Variants in ZPBP observed in about 807,000 individuals in gnomAD.
ZPBP encodes zona pellucida-binding protein 1.
Under a neutral mutation model 44.8 loss-of-function variants are expected in ZPBP, and 26 were observed. The observed-to-expected ratio is 0.58, with a 90% CI of 0.43 to 0.81. The LOEUF (loss-of-function observed/expected upper bound fraction) is 0.81, where lower values mean the gene tolerates loss of function less well. Among genes scored for constraint, ZPBP ranks in the 30% least tolerant of loss-of-function variants. ZPBP has a pLI of 0.00. For synonymous variants in ZPBP, 174 were observed against 153.2 expected, an observed-to-expected ratio of 1.14 and a Z score of -1.00; for missense variants, 409 against 434.0, an observed-to-expected ratio of 0.94 and a Z score of 0.51.
In ZPBP at chr7:50,052,320, T is replaced by C. The variant is rs939664800; in HGVS notation, c.487+5669A>G. On this transcript the variant is annotated intron_variant, in intron 4 of 7. Transcript: ENST00000046087. Reference sequence around the variant, plus strand: ...AACAGAAATTTTACCTAAGAGGATGTACAGATGGCAAATAAACTCATAAAA... The same window carrying C: ...AACAGAAATTTTACCTAAGAGGATGCACAGATGGCAAATAAACTCATAAAA... 2.0e-5 allele frequency among the ~76,000 whole-genome samples: 3 copies of C among 152,286 alleles called. No homozygotes were observed. The South Asian group carries it at 6.2e-4, about 32-fold the overall frequency.
chr7:49,933,442 A>G (rs188492782), downstream of ZPBP, among the ~76,000 whole-genome samples: 4 of 152,354 alleles, frequency 2.6e-5, no homozygotes, highest in East Asian at 7.7e-4. Context: ...GAACAATTTT[A>G]CACTGTTGGT....
chr7:50,081,860 A>G lies in ZPBP; in HGVS notation c.248T>C (p.Val83Ala). ...TCGCAGTTGTTGCGTTACACATAAC[A>G]CGTGTGGACTCTTTTGATGGAGCAT... ...YVMLHQKSPH[V>A]LCVTQQLRNA... Residue 83 changes from valine (V) to alanine (A), a missense_variant, in exon 3 of 8, where the codon GTG becomes GCG. Around this residue, in one of 2 missense-constraint regions of ZPBP, gnomAD observed 367 missense variants for 363.1 expected, o/e 1.01. Transcript: ENST00000046087. The G allele has an allele frequency of 6.2e-7, 1 of 1,611,484 alleles. No homozygotes were observed. Among genetic ancestry groups the G allele is most frequent in the Non-Finnish European group, 8.5e-7 (1 of 1,178,206 alleles).
intron 7 of ZPBP, among the ~76,000 whole-genome samples, chr7:49,981,414 A>T (rs375047882): frequency 9.5e-4 from 32 of 33,516 alleles, no homozygotes; most frequent in South Asian, 4.7e-3. Flanking sequence ...AAATATATAT[A>T]ATATATAATA....
intron 2 of ZPBP, among the ~76,000 whole-genome samples, chr7:50,085,809 T>C (rs1437870208): frequency 6.6e-6 from 1 of 152,122 alleles, no homozygotes; most frequent in African/African-American, 2.4e-5. Flanking sequence ...GAATGTCATA[T>C]CCACAGGAAC....
intron 5 of ZPBP, among the ~76,000 whole-genome samples, chr7:50,027,955 AG>A (rs954904919): frequency 6.6e-6 from 1 of 152,034 alleles, no homozygotes; most frequent in Non-Finnish European, 1.5e-5. Context: ...CAGAACCCAA[AG>A]GCCTCAGTGA....
intron 4 of ZPBP, among the ~76,000 whole-genome samples, chr7:50,052,700 G>C (rs2128826599): frequency 6.6e-6 from 1 of 152,190 alleles, no homozygotes; most frequent in South Asian, 2.1e-4. Context: ...AAGCAACCTA[G>C]ATATCTTTCA....
intron 5 of ZPBP, among the ~76,000 whole-genome samples, chr7:50,020,649 T>C (rs77046944): frequency 0.048 from 7,356 of 152,160 alleles, 182 homozygotes; most frequent in African/African-American, 0.068. Flanking sequence ...AGATAAGTTT[T>C]CTACAAGATT....
At chr7:50,038,767 T>C (rs544085841) in intron 4 of ZPBP, among the ~76,000 whole-genome samples, 4 of 152,348 alleles carry the variant, frequency 2.6e-5, no homozygotes, top group African/African-American at 7.2e-5. Flanking sequence ...ACCTTTATTA[T>C]ATTTAGATAT....
intron 6 of ZPBP, among the ~76,000 whole-genome samples, chr7:49,996,222 T>C (rs1486375697): frequency 6.6e-6 from 1 of 152,170 alleles, no homozygotes; most frequent in East Asian, 1.9e-4. Context: ...ATAATAGCCC[T>C]CACTCCACGG....
chr7:49,925,833 C>A (rs1295099757), intron 1 of ZPBP, among the ~76,000 whole-genome samples: 2 of 152,212 alleles, frequency 1.3e-5, no homozygotes, highest in Non-Finnish European at 2.9e-5. Context: ...TAAAATAGGG[C>A]AGTCACTATC....
chr7:49,843,285 T>C, the ZPBP span, among the ~76,000 whole-genome samples: 10 of 152,246 alleles, frequency 6.6e-5, no homozygotes, highest in African/African-American at 2.4e-4. Context: ...CATTTTCTCA[T>C]GGGTGAGCCC....
intron 3 of ZPBP, among the ~76,000 whole-genome samples, chr7:50,071,433 T>C (rs1437496563): frequency 1.3e-5 from 2 of 152,152 alleles, no homozygotes; most frequent in East Asian, 3.9e-4. Context: ...AAAGGCAATC[T>C]AGGCCATAGG....
the ZPBP span, among the ~76,000 whole-genome samples, chr7:49,842,647 T>A: frequency 2.6e-5 from 4 of 152,206 alleles, no homozygotes; most frequent in Admixed American, 6.5e-5. Flanking sequence ...ACTTGCAGAA[T>A]AATTGTCTTT....
intron 6 of ZPBP, among the ~76,000 whole-genome samples, chr7:49,999,786 C>T (rs776152542): frequency 4.6e-5 from 7 of 152,070 alleles, no homozygotes; most frequent in African/African-American, 1.7e-4. Context: ...TTTACTCAGT[C>T]GAACAATTCA....
chr7:49,908,645 T>C (rs930993170), intron 1 of ZPBP, among the ~76,000 whole-genome samples: 9 of 151,982 alleles, frequency 5.9e-5, no homozygotes, highest in African/African-American at 2.2e-4. Context: ...CTACACGTGA[T>C]AGCCAGGTCT....
intron 7 of ZPBP, among the ~76,000 whole-genome samples, chr7:49,946,747 T>G (rs1402049934): frequency 2.0e-5 from 3 of 152,284 alleles, no homozygotes; most frequent in African/African-American, 7.2e-5. Flanking sequence ...TTTTCTAGGT[T>G]TGGAAACTTC....
chr7:50,082,095 A>G (rs920376717), intron 2 of ZPBP, among the ~76,000 whole-genome samples, 196 bp from the exon 3 acceptor site: 46 of 151,890 alleles, frequency 3.0e-4, no homozygotes, highest in Admixed American at 1.3e-3. Flanking sequence ...TTGTATGTAT[A>G]TATGTGTATG....
At chr7:49,877,787 T>C (rs1267820014) in intron 2 of ZPBP, among the ~76,000 whole-genome samples, 1 of 151,488 alleles carries the variant, frequency 6.6e-6, no homozygotes, top group Non-Finnish European at 1.5e-5. Context: ...ATTATTGTTG[T>C]CATTATTATT....
chr7:49,944,046 C>T, intron 7 of ZPBP: 1 of 253,162 alleles, frequency 4.0e-6, no homozygotes. Flanking sequence ...CAGGAACGTG[C>T]ACCTTTGAGT....
Sources: gnomAD v4.1 joint callset for allele counts (sites outside exome capture counted in the v4.1 genomes callset) on GRCh38, gnomAD v4.1.1 for gene constraint, gnomAD v4.1.1 regional missense constraint, MANE v1.5 for transcripts, NCBI Gene and HGNC (gene_info 2026-07-23, HGNC 2026-07-21) for gene names.